MYO5A: variants seen among roughly 807,000 people sequenced by gnomAD.
MYO5A encodes myosin VA, also known as unconventional myosin-Va.
A neutral mutation model predicts 249.7 loss-of-function variants in MYO5A; 98 were observed. The ratio of observed to expected loss-of-function variants is 0.39; its 90% CI spans 0.33 to 0.46. The LOEUF is 0.46. MYO5A is among the 20% of genes least tolerant of loss of function. The pLI is 0.98. For missense variants in MYO5A, 1,696 were observed against 2,308.8 expected (o/e 0.73, Z 5.44); for synonymous variants, 778 against 810.6 (o/e 0.96, Z 0.68).
At chr15:52,473,890 C>T (rs910150107) in intron 1 of MYO5A, among the ~76,000 whole-genome samples, 1 of 152,154 alleles carries the variant, frequency 6.6e-6, no homozygotes, top group African/African-American at 2.4e-5. Flanking sequence ...TCTGTGGTTC[C>T]ATATGAACTT....
chr15:52,463,273 T>G (rs1356251197), intron 1 of MYO5A, among the ~76,000 whole-genome samples: 2 of 152,206 alleles, frequency 1.3e-5, no homozygotes, highest in Admixed American at 6.5e-5. Flanking sequence ...CACACTTTCT[T>G]CATCAAGATG....
intron 14 of MYO5A, among the ~76,000 whole-genome samples, chr15:52,385,026 G>A (rs556157204): frequency 3.9e-5 from 6 of 152,186 alleles, no homozygotes; most frequent in African/African-American, 1.4e-4. Flanking sequence ...TGTTCTATCA[G>A]GTTAGCAATG....
intron 1 of MYO5A, among the ~76,000 whole-genome samples, chr15:52,462,693 CA>C (rs531919879): frequency 1.7e-3 from 252 of 151,836 alleles, no homozygotes; most frequent in African/African-American, 5.9e-3. Flanking sequence ...ACTAAAAATA[CA>C]AAAATTGGCC....
intron 1 of MYO5A, among the ~76,000 whole-genome samples, chr15:52,509,095 CTGAG>C (rs2077336710): frequency 6.6e-6 from 1 of 152,032 alleles, no homozygotes; most frequent in Non-Finnish European, 1.5e-5. Context: ...CCTCAGCCTC[CTGAG>C]TAACTGGGAC....
At chr15:52,384,417 T>A in intron 14 of MYO5A, 95 bp from the exon 15 acceptor site, 1 of 1,259,576 alleles carries the variant, frequency 7.9e-7, no homozygotes, top group Non-Finnish European at 1.1e-6. Flanking sequence ...CTTCCTTAAG[T>A]AATCACTGTC....
At chr15:52,346,310 C>G (rs2039624536) in intron 30 of MYO5A, 51 bp downstream of exon 30, 2 of 1,153,124 alleles carry the variant, frequency 1.7e-6, no homozygotes, top group African/African-American at 3.0e-5. Flanking sequence ...GGCTTGAAGG[C>G]TAAAGATCAA....
At chr15:52,513,539 C>T (rs2077438296) in intron 1 of MYO5A, among the ~76,000 whole-genome samples, 1 of 150,988 alleles carries the variant, frequency 6.6e-6, no homozygotes, top group Non-Finnish European at 1.5e-5. Context: ...ATTCTCCTGA[C>T]TCAGCGTCCT....
chr15:52,339,794 G>A (rs752864), intron 32 of MYO5A, among the ~76,000 whole-genome samples: 81,714 of 152,042 alleles, frequency 0.54, 23,062 homozygotes, highest in Non-Finnish European at 0.61. Context: ...GTGGAGCCTG[G>A]GATGGCCTCA....
rs923241463 is a variant in MYO5A at position 52,408,669 on chromosome 15, C to T, written c.757-529G>A. On this transcript the variant is annotated intron_variant, in intron 6 of 41. Transcript: ENST00000399233. ...GTTTTATAAAATAGAAAATAAATCACATATAAATTCTAAGATAATTTTTCA... is the reference window on the plus strand; with the variant it reads ...GTTTTATAAAATAGAAAATAAATCATATATAAATTCTAAGATAATTTTTCA... Among the ~76,000 whole-genome samples, 6 of 152,126 alleles carry T rather than the reference C, an allele frequency of 3.9e-5. No individual in the cohort carries two copies. In the East Asian group the frequency reaches 1.2e-3, roughly 29 times the overall value.
chr15:52,376,440 G>T lies in MYO5A; in HGVS notation c.2327C>A (p.Thr776Asn). 6.2e-7 allele frequency: 1 copy of T among 1,614,144 alleles called. No homozygotes were observed. The highest frequency in any genetic ancestry group is 8.5e-7 in the Non-Finnish European group (1 of 1,180,018). Residue 776 changes from threonine (T) to asparagine (N), a missense_variant, in exon 19 of 42, where the codon ACC becomes AAC. Physicochemically the swap from Thr to Asn is moderately conservative, Grantham distance 65 (BLOSUM62 0). This residue lies in a region of MYO5A where 277 missense variants were observed against 422.4 expected (regional missense o/e 0.66). Coordinates refer to ENST00000399233, the MANE Select transcript of MYO5A (RefSeq NM_001382347.1). The stretch of plus-strand genomic sequence containing the variant: ...CTTTCTCAGCAGCCACCCTCGGATG[G>T]TCTTCTGGATCCGGATGCAGGCAGC... Reference protein sequence around the residue: ...LRAACIRIQKTIRGWLLRKKY... With the variant: ...LRAACIRIQKNIRGWLLRKKY...
At chr15:52,357,101 C>G (rs953300687) in intron 25 of MYO5A, among the ~76,000 whole-genome samples, 2 of 152,038 alleles carry the variant, frequency 1.3e-5, no homozygotes, top group Non-Finnish European at 2.9e-5. Context: ...CTTGCCTCAA[C>G]ACGAAATCAC....
intron 5 of MYO5A, among the ~76,000 whole-genome samples, chr15:52,415,024 C>T (rs890271731): frequency 3.9e-5 from 6 of 152,150 alleles, no homozygotes; most frequent in Admixed American, 3.3e-4. Context: ...AAGTAGAAGT[C>T]CTGCTGCTCT....
intron 1 of MYO5A, among the ~76,000 whole-genome samples, chr15:52,517,114 C>G (rs1037240571): frequency 6.6e-6 from 1 of 152,182 alleles, no homozygotes; most frequent in African/African-American, 2.4e-5. Flanking sequence ...CAGAAAGCAT[C>G]TTCTAGAAGT....
chr15:52,326,333 T>A (rs1273850311), intron 36 of MYO5A, among the ~76,000 whole-genome samples: 1 of 152,218 alleles, frequency 6.6e-6, no homozygotes, highest in African/African-American at 2.4e-5. Context: ...GCCTAAGAAG[T>A]AGCAAAACTT....
At chr15:52,373,408 A>G (rs1277266070) in intron 20 of MYO5A, among the ~76,000 whole-genome samples, 1 of 152,154 alleles carries the variant, frequency 6.6e-6, no homozygotes, top group African/African-American at 2.4e-5. Context: ...ACATGGGTCC[A>G]TTTTTGTAAT....
rs772574349 is a variant in MYO5A, at chr15:52,367,134, G to C, written c.3067-10C>G. 4 of 1,608,962 alleles carry C rather than the reference G, an allele frequency of 2.5e-6. No individual in the cohort carries two copies. In the African/African-American group the frequency reaches 5.3e-5, roughly 22 times the overall value. On this transcript the variant is annotated splice_polypyrimidine_tract_variant and intron_variant, in intron 22 of 41. Transcript: ENST00000399233. ...TCAGATTTGATACCAGCTACGAAAT[G>C]AAACAATAAACTGAGATGGTTGCAA... is the stretch of plus-strand genomic sequence containing the variant.
intron 8 of MYO5A, 52 bp from the exon 9 acceptor site, chr15:52,405,445 A>G: frequency 7.5e-7 from 1 of 1,325,248 alleles, no homozygotes; most frequent in Non-Finnish European, 1.1e-6. Context: ...TAGAAACTAA[A>G]CAATTACAGC....
chr15:52,429,445 T>C (rs919932199), intron 2 of MYO5A, among the ~76,000 whole-genome samples: 3 of 152,100 alleles, frequency 2.0e-5, no homozygotes, highest in Non-Finnish European at 4.4e-5. Flanking sequence ...TCCCAACACT[T>C]TGGGAGGCCG....
At position 52,465,603 on chromosome 15, in the gene MYO5A, G is replaced by A. The variant is rs559146387; in HGVS notation, c.28-32318C>T. 5.9e-5 allele frequency among the ~76,000 whole-genome samples: 9 copies of A among 152,182 alleles called. No homozygotes were observed. The South Asian group carries it at 6.2e-4, about 11-fold the overall frequency. On this transcript the variant is annotated intron_variant, in intron 1 of 41. Transcript: ENST00000399233. The stretch of plus-strand genomic sequence containing the variant: ...ATTCAGGAATTCGAAAGTATAGTGC[G>A]CTATGATCATGCCACTGCACTCCAG...
Sources: gnomAD v4.1 joint callset for allele counts (sites outside exome capture counted in the v4.1 genomes callset) on GRCh38, gnomAD v4.1.1 for gene constraint, gnomAD v4.1.1 regional missense constraint, MANE v1.5 for transcripts, NCBI Gene and HGNC (gene_info 2026-07-23, HGNC 2026-07-21) for gene names.